Variants in DPP9 observed in about 807,000 individuals in gnomAD.
DPP9 encodes the protein dipeptidyl peptidase IV-related protein-2.
In DPP9, 50 loss-of-function variants were observed where a neutral mutation model predicts 110.7. The observed-to-expected ratio is 0.45, with a 90% CI of 0.36 to 0.57. The LOEUF (loss-of-function observed/expected upper bound fraction) is 0.57. Ranked by LOEUF, DPP9 falls within the 20% of genes least tolerant of loss-of-function variation. The pLI, the probability that DPP9 is intolerant of heterozygous loss-of-function variation, is 0.00. For synonymous variants in DPP9, 561 were observed against 514.4 expected (o/e 1.09, Z -1.23); for missense variants, 1,022 against 1,217.9 (o/e 0.84, Z 2.39).
intron 13 of DPP9, among the ~76,000 whole-genome samples, chr19:4,692,896 C>G (rs977976423): frequency 1.3e-5 from 2 of 152,172 alleles, no homozygotes; most frequent in African/African-American, 4.8e-5. Flanking sequence ...CAGGAGGACC[C>G]CGATGCTGGC....
chr19:4,722,324 G>C (rs1031492375), intron 2 of DPP9, 175 bp downstream of exon 2: 1 of 585,602 alleles, frequency 1.7e-6, no homozygotes, highest in African/African-American at 1.9e-5. Context: ...GACAGGGGTG[G>C]AAAGAAAAGC....
At chr19:4,701,705 C>T (rs534646993) in intron 9 of DPP9, among the ~76,000 whole-genome samples, 125 of 152,368 alleles carry the variant, frequency 8.2e-4, no homozygotes, top group Non-Finnish European at 1.4e-3. Flanking sequence ...CATTCCTGCA[C>T]GTGCCACTTC....
intron 21 of DPP9, among the ~76,000 whole-genome samples, chr19:4,678,181 C>T (rs576640269): frequency 4.9e-4 from 74 of 152,060 alleles, no homozygotes; most frequent in African/African-American, 1.7e-3. Flanking sequence ...GGCACAATCT[C>T]GGTTCACTGG....
At chr19:4,717,415 G>A (rs773179770) in intron 3 of DPP9, among the ~76,000 whole-genome samples, 1 of 152,116 alleles carries the variant, frequency 6.6e-6, no homozygotes, top group Non-Finnish European at 1.5e-5. Context: ...AGAAAACTGA[G>A]CCCGGGGAGC....
At chr19:4,716,553 C>A (rs184918175) in intron 3 of DPP9, among the ~76,000 whole-genome samples, 1 of 151,826 alleles carries the variant, frequency 6.6e-6, no homozygotes, top group Non-Finnish European at 1.5e-5. Context: ...AGGAGAATGG[C>A]GTGAACCCGG....
chr19:4,703,781 T>A, intron 7 of DPP9, 105 bp downstream of exon 7: 2 of 1,248,924 alleles, frequency 1.6e-6, no homozygotes, highest in Non-Finnish European at 2.2e-6. Context: ...GAGGGTGGCT[T>A]GTGAGGGGTG....
rs745521230 is a variant in DPP9, at chr19:4,682,892, G to C, written c.2332-54C>G. 8.4e-6 allele frequency: 13 copies of C among 1,546,450 alleles called. No individual in the cohort carries two copies. The highest frequency in any genetic ancestry group is 7.0e-6 in the Non-Finnish European group (8 of 1,148,464). On this transcript the variant is annotated intron_variant, in intron 19 of 21. Coordinates refer to ENST00000262960, the MANE Select transcript of DPP9 (RefSeq NM_139159.5). The surrounding 1 kb of genome is among the most constrained non-coding windows in gnomAD (Gnocchi z 7.1). ...AGAGAGAGAGAGAGAAACAGGCGTC[G>C]GGTCCTACAGCCAGCATCAGCCGCT...
intron 10 of DPP9, among the ~76,000 whole-genome samples, chr19:4,699,158 CAAAAAAAAAA>C (rs144927941): frequency 2.2e-4 from 11 of 50,936 alleles, no homozygotes; most frequent in African/African-American, 3.5e-4. Context: ...GACTCCACCT[CAAAAAAAAAA>C]AAAAAAAAAA....
chr19:4,685,080 G>A lies in DPP9; in HGVS notation c.2032-271C>T. Reference sequence around the variant, plus strand: ...AGTCCTGCCTGGAACAACTACTCTGGCATGATGGACATTGGGGTGGCTCCT... The same window carrying A: ...AGTCCTGCCTGGAACAACTACTCTGACATGATGGACATTGGGGTGGCTCCT... On this transcript the variant is annotated intron_variant, in intron 17 of 21. Transcript: ENST00000262960. The surrounding 1 kb of genome is among the most constrained non-coding windows in gnomAD (Gnocchi z 5.8). 1 of 635,082 alleles carries A rather than the reference G, an allele frequency of 1.6e-6. No individual in the cohort carries two copies. Among genetic ancestry groups the A allele is most frequent in the Non-Finnish European group, 2.9e-6 (1 of 342,204 alleles). 39.3% of individuals were successfully genotyped at this position (635,082 alleles called of 1,614,324 possible).
intron 14 of DPP9, 49 bp downstream of exon 14, chr19:4,690,828 TA>T: frequency 6.9e-7 from 1 of 1,457,930 alleles, no homozygotes; most frequent in Non-Finnish European, 9.6e-7. Flanking sequence ...TGTATGTGTG[TA>T]AAACACACAT....
Position 4,676,170 on chromosome 19 carries a change from T to A in DPP9, c.*394A>T, listed in dbSNP as rs1165567896. The A allele has an allele frequency of 4.9e-6, 1 of 205,014 alleles. No individual in the cohort carries two copies. The highest frequency in any genetic ancestry group is 2.3e-5 in the African/African-American group (1 of 42,844). The allele number at this position is 205,014 out of a possible 1,614,324, so 12.7% of individuals were successfully genotyped here. ...GGGGACAGGCAATTGCATGCTTGGG[T>A]GCTGGGGACGGTGGCTGGCCGGGCC... On this transcript the variant is annotated 3_prime_UTR_variant, in exon 22 of 22. Coordinates refer to ENST00000262960, the MANE Select transcript of DPP9 (RefSeq NM_139159.5). The surrounding 1 kb of genome is among the most constrained non-coding windows in gnomAD (Gnocchi z 4.0).
At chr19:4,683,766 G>A (rs1471020214) in intron 18 of DPP9, 137 bp from the exon 19 acceptor site, 4 of 1,578,524 alleles carry the variant, frequency 2.5e-6, no homozygotes, top group Non-Finnish European at 3.4e-6. Context: ...TGTCCTTCCA[G>A]GCCCTGCTAA....
chr19:4,698,432 G>A lies in DPP9; in HGVS notation c.1075-781C>T, dbSNP rs186840982. 1.8e-4 allele frequency among the ~76,000 whole-genome samples: 28 copies of A among 152,116 alleles called. No individual in the cohort carries two copies. Among genetic ancestry groups the A allele is most frequent in the Non-Finnish European group, 3.4e-4 (23 of 68,024 alleles). ...CCCAGCCCACCTAAGGACTCTGCACGTCTGAGAGTGCAAGGAGCCACTAAA... is the reference window on the plus strand; with the variant it reads ...CCCAGCCCACCTAAGGACTCTGCACATCTGAGAGTGCAAGGAGCCACTAAA... On this transcript the variant is annotated intron_variant, in intron 10 of 21. Coordinates refer to ENST00000262960, the MANE Select transcript of DPP9 (RefSeq NM_139159.5). This position sits in a 1 kb window ranked among gnomAD's most constrained non-coding sequence, Gnocchi z 4.2.
intron 2 of DPP9, among the ~76,000 whole-genome samples, chr19:4,721,315 G>A (rs2093313392): frequency 6.6e-6 from 1 of 152,248 alleles, no homozygotes; most frequent in Non-Finnish European, 1.5e-5. Context: ...CCAACAGATT[G>A]CCTGAGCCCA....
chr19:4,676,644 C>A lies in DPP9; in HGVS notation c.2599G>T (p.Glu867Ter), dbSNP rs2088861663. 1 of 1,604,096 alleles carries A rather than the reference C, an allele frequency of 6.2e-7. No individual in the cohort carries two copies. Among genetic ancestry groups the A allele is most frequent in the Admixed American group, 1.7e-5 (1 of 58,636 alleles). ...KPYQLQIYPN[E>*]RHSIRCPESG... is the part of the protein sequence containing the mutation. ...TCGGGGCAGCGAATACTGTGTCTCT[C>A]GTTGGGGTAGATCTGCGGGGAGACA... The change falls in exon 22 of 22, where the codon GAG becomes TAG. Residue 867 changes from glutamate to a stop codon, truncating the protein, a stop_gained. Transcript: ENST00000262960. LOFTEE classifies it high-confidence loss of function. The surrounding 1 kb of genome is among the most constrained non-coding windows in gnomAD (Gnocchi z 4.0).
rs1350332298 is a variant in DPP9, at chr19:4,682,041, G to T, written c.2474+655C>A. ...TTTTTTGTATTTTTAGTAGAGACGG[G>T]GTTTCATCTTGTTAGCCAGGATGGT... On this transcript the variant is annotated intron_variant, in intron 20 of 21. Transcript: ENST00000262960. This position sits in a 1 kb window ranked among gnomAD's most constrained non-coding sequence, Gnocchi z 7.1. 6.6e-6 allele frequency among the ~76,000 whole-genome samples: 1 copy of T among 151,840 alleles called. No individual in the cohort carries two copies. Among genetic ancestry groups the T allele is most frequent in the Admixed American group, 6.6e-5 (1 of 15,242 alleles).
chr19:4,684,636 C>A lies in DPP9; in HGVS notation c.2178+27G>T, dbSNP rs752777074. The A allele has an allele frequency of 6.2e-7, 1 of 1,612,380 alleles. No homozygotes were observed. The highest frequency in any genetic ancestry group is 8.5e-7 in the Non-Finnish European group (1 of 1,179,294). On this transcript the variant is annotated intron_variant, in intron 18 of 21. Coordinates refer to ENST00000262960, the MANE Select transcript of DPP9 (RefSeq NM_139159.5). The surrounding 1 kb of genome is among the most constrained non-coding windows in gnomAD (Gnocchi z 4.8). ...GGCTCCCTTCCCGAGACCCAAAGGA[C>A]CCAGAGCAACAGGGAGGAGTTGTTA...
At chr19:4,715,080 C>T (rs113929457) in intron 3 of DPP9, among the ~76,000 whole-genome samples, 1,452 of 117,124 alleles carry the variant, frequency 0.012, 28 homozygotes, top group African/African-American at 0.043. Flanking sequence ...AGTGCAGTGG[C>T]GTGATCTCAG....
Position 4,676,514 on chromosome 19 carries a change from G to T in DPP9, c.*50C>A. 1 of 1,500,002 alleles carries T rather than the reference G, an allele frequency of 6.7e-7. No individual in the cohort carries two copies. Among genetic ancestry groups the T allele is most frequent in the Non-Finnish European group, 9.1e-7 (1 of 1,096,840 alleles). The allele number at this position is 1,500,002 out of a possible 1,614,324, so 92.9% of individuals were successfully genotyped here. On this transcript the variant is annotated 3_prime_UTR_variant, in exon 22 of 22. Coordinates refer to ENST00000262960, the MANE Select transcript of DPP9 (RefSeq NM_139159.5). The surrounding 1 kb of genome is among the most constrained non-coding windows in gnomAD (Gnocchi z 4.0). ...CAGTCCCTCCCGCCTGGTTCCCCGC[G>T]GAGGCTGCAGCCACTTGTGCTGTGA...
Sources: gnomAD v4.1 joint callset for allele counts (sites outside exome capture counted in the v4.1 genomes callset) on GRCh38, gnomAD v4.1.1 for gene constraint, Gnocchi (gnomAD v3.1) non-coding constraint, MANE v1.5 for transcripts, NCBI Gene and HGNC (gene_info 2026-07-23, HGNC 2026-07-21) for gene names.